The following ALOX15 variants were observed in gnomAD, a reference collection of about 807,000 sequenced individuals.
ALOX15 encodes arachidonate 15-lipoxygenase, also known as polyunsaturated fatty acid lipoxygenase ALOX15.
Under a neutral mutation model 71.7 loss-of-function variants are expected in ALOX15, and 68 were observed. That is an observed-to-expected ratio of 0.95 (90% CI 0.78 to 1.16). The LOEUF is 1.16. ALOX15 is among the 50% of genes most tolerant of loss of function. The pLI is 0.00. For missense variants in ALOX15, 798 were observed against 818.8 expected, an observed-to-expected ratio of 0.97 and a Z score of 0.31; for synonymous variants, 346 against 333.3, an observed-to-expected ratio of 1.04 and a Z score of -0.42.
At chr17:4,634,959 C>CAATAAT (rs113006980) in intron 8 of ALOX15, among the ~76,000 whole-genome samples, 2,185 of 145,314 alleles carry the variant, frequency 0.015, 50 homozygotes, top group African/African-American at 0.043. Context: ...GCCTGGGCAG[C>CAATAAT]AATAATAATA....
chr17:4,639,133 CT>C lies in ALOX15; in HGVS notation c.338-2del. ...TGAGGGTCCTCGCCCACAGTGCGGC[CT>C]AGAAGGACAGAGGAGGACTTGGCCA... On this transcript the variant is annotated splice_acceptor_variant, in intron 2 of 13. Transcript: ENST00000293761. LOFTEE classifies it high-confidence loss of function. 1 of 1,614,124 alleles carries C rather than the reference CT, an allele frequency of 6.2e-7. No individual in the cohort carries two copies. The highest frequency in any genetic ancestry group is 1.1e-5 in the South Asian group (1 of 91,080).
chr17:4,638,323 T>C lies in ALOX15; in HGVS notation c.701A>G (p.Asn234Ser). ...CCTCAGCACCACGGGGTTGGCGCCA[T>C]TAAGAAACTGGTACCCAAATAAGGC... ...EDALFGYQFLNGANPVVLRRS... is the reference protein window; with the variant it reads ...EDALFGYQFLSGANPVVLRRS... Residue 234 changes from asparagine to serine, a missense_variant, in exon 6 of 14, where the codon AAT becomes AGT. Physicochemically the swap from Asn to Ser is conservative, Grantham distance 46. Coordinates refer to ENST00000293761, the MANE Select transcript of ALOX15 (RefSeq NM_001140.5). 2.4e-6 allele frequency: 2 copies of C among 839,546 alleles called. No homozygotes were observed. Among genetic ancestry groups the C allele is most frequent in the Non-Finnish European group, 3.8e-6 (2 of 523,252 alleles). 52.0% of individuals were successfully genotyped at this position (839,546 alleles called of 1,614,324 possible).
chr17:4,640,822 A>T (rs1911296207), intron 1 of ALOX15, among the ~76,000 whole-genome samples: 1 of 149,908 alleles, frequency 6.7e-6, no homozygotes, highest in East Asian at 2.1e-4. Context: ...GAGGGAGGTG[A>T]AGAGAGGAAG....
chr17:4,641,312 G>C (rs1217215645), intron 1 of ALOX15, among the ~76,000 whole-genome samples: 6 of 152,200 alleles, frequency 3.9e-5, no homozygotes, highest in Non-Finnish European at 5.9e-5. Flanking sequence ...ATCGGGTAGC[G>C]GCAACATTTA....
rs759970007 is a variant in ALOX15, at chr17:4,633,365, C to T, written c.1248+49G>A. On this transcript the variant is annotated intron_variant, in intron 9 of 13. Transcript: ENST00000293761. ...CAGGCGAATCGACCTGCCCTGAATC[C>T]AGAGCTGGAAAAAAGACAGACCCAG... The T allele has an allele frequency of 3.1e-6, 5 of 1,611,318 alleles. No homozygotes were observed. The South Asian group carries it at 5.5e-5, about 18-fold the overall frequency.
intron 7 of ALOX15, among the ~76,000 whole-genome samples, chr17:4,636,286 G>C (rs1309275369): frequency 6.6e-6 from 1 of 152,164 alleles, no homozygotes; most frequent in Non-Finnish European, 1.5e-5. Flanking sequence ...ATCCCACACT[G>C]TTTTTTGAAA....
chr17:4,637,408 ATTT>A, intron 6 of ALOX15, 150 bp from the exon 7 acceptor site: 3 of 817,770 alleles, frequency 3.7e-6, no homozygotes, highest in Admixed American at 3.9e-5. Flanking sequence ...TCCTCATATC[ATTT>A]TTTTTTTTAA....
intron 1 of ALOX15, 84 bp downstream of exon 1, chr17:4,641,433 C>T (rs1911325050): frequency 6.5e-7 from 1 of 1,536,394 alleles, no homozygotes. Context: ...GGCCAGAGGC[C>T]AACGGGGGCG....
chr17:4,633,092 A>G (rs572157690), intron 10 of ALOX15, 54 bp downstream of exon 10: 30 of 1,608,314 alleles, frequency 1.9e-5, no homozygotes, highest in Non-Finnish European at 2.4e-5. Flanking sequence ...CTGCTCTCCT[A>G]CATGTCTTCT....
Position 4,639,698 on chromosome 17 carries a change from C to T in ALOX15, c.136-67G>A, listed in dbSNP as rs1424975225. 10 of 1,476,124 alleles carry T rather than the reference C, an allele frequency of 6.8e-6. No homozygotes were observed. The Admixed American group carries it at 7.9e-5, about 12-fold the overall frequency. The allele number at this position is 1,476,124 out of a possible 1,614,324, so 91.4% of individuals were successfully genotyped here. A position where few individuals can be genotyped will look rare whatever the true frequency, so the allele number is the denominator to read the frequency against. On this transcript the variant is annotated intron_variant, in intron 1 of 13. Transcript: ENST00000293761. ...GGGAGGGGCACCCGGCTGAGCCCTGCTCCCTCCAGCGCCCACGCCCTTCCT... is the reference window on the plus strand; with the variant it reads ...GGGAGGGGCACCCGGCTGAGCCCTGTTCCCTCCAGCGCCCACGCCCTTCCT...
chr17:4,641,484 G>C (rs759372494), intron 1 of ALOX15, 33 bp downstream of exon 1: 1 of 1,600,940 alleles, frequency 6.2e-7, no homozygotes, highest in Non-Finnish European at 8.5e-7. Flanking sequence ...AGCCAGGGGC[G>C]CAGCCCACCC....
chr17:4,639,191 T>C, intron 2 of ALOX15, 59 bp from the exon 3 acceptor site: 1 of 1,591,636 alleles, frequency 6.3e-7, no homozygotes, highest in East Asian at 2.2e-5. Flanking sequence ...TTCTTGTCTC[T>C]GCCAGGAGAG....
At chr17:4,635,991 G>C (rs775830781) in intron 7 of ALOX15, 23 bp from the exon 8 acceptor site, 1 of 1,610,676 alleles carries the variant, frequency 6.2e-7, no homozygotes, top group Non-Finnish European at 8.5e-7. Flanking sequence ...CAAGTGTGGG[G>C]AGAGAAGGCA....
chr17:4,637,629 G>T (rs1267730485), intron 6 of ALOX15, among the ~76,000 whole-genome samples: 1 of 152,104 alleles, frequency 6.6e-6, no homozygotes, highest in Non-Finnish European at 1.5e-5. Flanking sequence ...GCCTAGGCTG[G>T]TCTCCAACTC....
chr17:4,641,433 C>G, intron 1 of ALOX15, 84 bp downstream of exon 1: 1 of 1,536,396 alleles, frequency 6.5e-7, no homozygotes. Flanking sequence ...GGCCAGAGGC[C>G]AACGGGGGCG....
chr17:4,639,224 G>A (rs1464829218), intron 2 of ALOX15, 92 bp from the exon 3 acceptor site: 2 of 1,515,114 alleles, frequency 1.3e-6, no homozygotes, highest in Non-Finnish European at 1.8e-6. Flanking sequence ...GTCCTTCTGT[G>A]TGGCCTCTGC....
chr17:4,633,412 A>G lies in ALOX15; in HGVS notation c.1248+2T>C, dbSNP rs1206726012. On this transcript the variant is annotated splice_donor_variant, in intron 9 of 13. Coordinates refer to ENST00000293761, the MANE Select transcript of ALOX15 (RefSeq NM_001140.5). LOFTEE classifies it high-confidence loss of function. ...CCAGAATCTCCCTTTCTCTTCCCAT[A>G]CCTGGTCGAAAATTCCCATGTCAGA... The G allele has an allele frequency of 6.2e-7, 1 of 1,613,960 alleles. No individual in the cohort carries two copies. The highest frequency in any genetic ancestry group is 1.1e-5 in the South Asian group (1 of 91,078).
chr17:4,632,715 G>A, intron 11 of ALOX15, 146 bp downstream of exon 11: 1 of 1,315,036 alleles, frequency 7.6e-7, no homozygotes, highest in Non-Finnish European at 1.0e-6. Flanking sequence ...CCTGTCTCTA[G>A]GTGACAGGGA....
At chr17:4,635,206 A>G (rs1165417845) in intron 8 of ALOX15, among the ~76,000 whole-genome samples, 3 of 151,856 alleles carry the variant, frequency 2.0e-5, no homozygotes, top group Non-Finnish European at 2.9e-5. Flanking sequence ...CTAGACAAGC[A>G]GATCATCTGA....
Sources: gnomAD v4.1 joint callset for allele counts (sites outside exome capture counted in the v4.1 genomes callset) on GRCh38, gnomAD v4.1.1 for gene constraint, MANE v1.5 for transcripts, NCBI Gene and HGNC (gene_info 2026-07-23, HGNC 2026-07-21) for gene names.